The following SGCZ variants were observed in gnomAD, a reference collection of about 807,000 sequenced individuals.
SGCZ encodes the protein zeta-sarcoglycan.
In SGCZ, 40 loss-of-function variants were observed where a neutral mutation model predicts 41.3. That is an observed-to-expected ratio of 0.97 (90% CI 0.75 to 1.26). The LOEUF is 1.26. Ranked by LOEUF, SGCZ falls within the 50% of genes most tolerant of loss-of-function variation. The pLI is 0.00. For synonymous variants in SGCZ, 206 were observed against 137.5 expected (o/e 1.50, Z -3.49); for missense variants, 552 against 369.8 (o/e 1.49, Z -4.04).
At chr8:14,708,922 G>A (rs957988124) in intron 1 of SGCZ, among the ~76,000 whole-genome samples, 1 of 151,776 alleles carries the variant, frequency 6.6e-6, no homozygotes, top group Admixed American at 6.6e-5. Context: ...CTGCTTACAT[G>A]AGAATGTGTT....
At chr8:14,358,252 T>G (rs1374941933) in intron 2 of SGCZ, among the ~76,000 whole-genome samples, 2 of 152,238 alleles carry the variant, frequency 1.3e-5, no homozygotes, top group African/African-American at 4.8e-5. Flanking sequence ...ATTTTGTAAT[T>G]ATAATATTTT....
At chr8:14,121,127 C>T (rs1802683793) in intron 5 of SGCZ, among the ~76,000 whole-genome samples, 1 of 152,042 alleles carries the variant, frequency 6.6e-6, no homozygotes, top group Non-Finnish European at 1.5e-5. Context: ...AATAGATATC[C>T]TTCTCACGGA....
intron 1 of SGCZ, among the ~76,000 whole-genome samples, chr8:14,781,976 T>C (rs918206103): frequency 6.6e-6 from 1 of 152,186 alleles, no homozygotes; most frequent in South Asian, 2.1e-4. Flanking sequence ...CATCATAAAG[T>C]CAAAAACTTG....
At position 14,976,903 on chromosome 8, in the gene SGCZ, G is replaced by A. The variant is rs73203311; in HGVS notation, c.39+260682C>T. On this transcript the variant is annotated intron_variant, in intron 1 of 7. Transcript: ENST00000382080. ...GTGGCTTAAGTTCTAGAAAAAGATT[G>A]GCTTTAAAATTTGAGTGACGTACAT... 7.4e-3 allele frequency among the ~76,000 whole-genome samples: 1,130 copies of A among 152,270 alleles called. 5 individuals are homozygous for A. Among genetic ancestry groups the A allele is most frequent in the Non-Finnish European group, 0.012 (785 of 68,014 alleles).
At chr8:15,168,273 C>T (rs772590409) in intron 1 of SGCZ, among the ~76,000 whole-genome samples, 1 of 152,126 alleles carries the variant, frequency 6.6e-6, no homozygotes, top group African/African-American at 2.4e-5. Context: ...AAAGGCACAG[C>T]GCAGGTGAGC....
intron 1 of SGCZ, among the ~76,000 whole-genome samples, chr8:14,620,283 T>G (rs1373894934): frequency 6.6e-6 from 1 of 152,068 alleles, no homozygotes. Flanking sequence ...TATACAAAAA[T>G]TAATTCAAGA....
At chr8:14,423,608 G>A (rs763778957) in intron 2 of SGCZ, among the ~76,000 whole-genome samples, 19 of 152,086 alleles carry the variant, frequency 1.2e-4, no homozygotes, top group African/African-American at 9.7e-5. Context: ...TAGAGACAGG[G>A]TTTCTCCGTT....
chr8:14,413,358 C>CT (rs34905148), intron 2 of SGCZ, among the ~76,000 whole-genome samples: 57,059 of 151,678 alleles, frequency 0.38, 11,728 homozygotes, highest in African/African-American at 0.55. Flanking sequence ...ACTTTTTAAG[C>CT]TATTTATATG....
intron 1 of SGCZ, among the ~76,000 whole-genome samples, chr8:15,055,415 C>T (rs556553802): frequency 6.6e-6 from 1 of 152,104 alleles, no homozygotes; most frequent in Non-Finnish European, 1.5e-5. Flanking sequence ...TGGACAAACA[C>T]AGATGGAAAA....
intron 1 of SGCZ, among the ~76,000 whole-genome samples, chr8:14,894,739 C>T (rs1805131114): frequency 6.6e-6 from 1 of 151,878 alleles, no homozygotes; most frequent in Non-Finnish European, 1.5e-5. Context: ...GTAAAAATGT[C>T]GGTCTTCTTT....
At position 14,345,484 on chromosome 8, in the gene SGCZ, T is replaced by C. The variant is rs2117090142; in HGVS notation, c.235-21280A>G. 2.0e-5 allele frequency among the ~76,000 whole-genome samples: 3 copies of C among 152,254 alleles called. No homozygotes were observed. In the Middle Eastern group the frequency reaches 0.01, roughly 518 times the overall value. On this transcript the variant is annotated intron_variant, in intron 2 of 7. Transcript: ENST00000382080. ...TGGCAAATAAATGTATGGGTATAGG[T>C]TATGGAGAAAAGTATAACACAACAA...
intron 1 of SGCZ, among the ~76,000 whole-genome samples, chr8:15,133,623 A>ATAAC (rs1194906361): frequency 1.3e-5 from 2 of 152,256 alleles, no homozygotes; most frequent in Admixed American, 1.3e-4. Flanking sequence ...AATCTGCCAC[A>ATAAC]TAACCACAGT....
chr8:14,747,605 C>T (rs571001342), intron 1 of SGCZ, among the ~76,000 whole-genome samples: 1 of 151,226 alleles, frequency 6.6e-6, no homozygotes, highest in South Asian at 2.1e-4. Flanking sequence ...AGATGAAAAC[C>T]ATTAAAATGA....
chr8:15,081,283 G>C (rs569118379), intron 1 of SGCZ, among the ~76,000 whole-genome samples: 2 of 152,250 alleles, frequency 1.3e-5, no homozygotes, highest in African/African-American at 4.8e-5. Flanking sequence ...ATTTTCAAAT[G>C]ACAAAAGGAG....
At chr8:15,071,258 G>A (rs1006033500) in intron 1 of SGCZ, among the ~76,000 whole-genome samples, 2 of 152,106 alleles carry the variant, frequency 1.3e-5, no homozygotes, top group Non-Finnish European at 2.9e-5. Flanking sequence ...CCTCCAGTTA[G>A]GTTTACAGGA....
At chr8:14,589,244 G>A (rs1805162978) in intron 1 of SGCZ, among the ~76,000 whole-genome samples, 1 of 151,288 alleles carries the variant, frequency 6.6e-6, no homozygotes, top group Admixed American at 6.7e-5. Context: ...TATTTGGGAG[G>A]CTGAGGCAGG....
intron 1 of SGCZ, among the ~76,000 whole-genome samples, chr8:14,654,415 AAAT>A (rs1807495911): frequency 6.6e-6 from 1 of 152,036 alleles, no homozygotes; most frequent in Non-Finnish European, 1.5e-5. Flanking sequence ...ATAATAACAA[AAAT>A]AATAATAATG....
chr8:15,101,622 T>TA (rs1371286659), intron 1 of SGCZ, among the ~76,000 whole-genome samples: 2 of 152,096 alleles, frequency 1.3e-5, no homozygotes, highest in African/African-American at 4.8e-5. Context: ...CATTCACTGC[T>TA]AGAGGGAATG....
At chr8:14,819,521 T>A (rs949066748) in intron 1 of SGCZ, among the ~76,000 whole-genome samples, 2 of 152,170 alleles carry the variant, frequency 1.3e-5, no homozygotes, top group East Asian at 3.9e-4. Context: ...AGGATAATTA[T>A]CACAAAACAC....
Sources: allele counts gnomAD v4.1 joint callset (sites outside exome capture counted in the v4.1 genomes callset), GRCh38; gene constraint gnomAD v4.1.1; transcripts MANE v1.5; gene names NCBI Gene and HGNC (gene_info 2026-07-23, HGNC 2026-07-21).